GCN1: variants seen among roughly 807,000 people sequenced by gnomAD.
GCN1 encodes stalled ribosome sensor GCN1.
A neutral mutation model predicts 288.4 loss-of-function variants in GCN1; 90 were observed. The observed-to-expected ratio is 0.31, with a 90% CI of 0.26 to 0.37. The LOEUF is 0.37. GCN1 is among the 10% of genes least tolerant of loss of function. GCN1 has a pLI of 1.00. For missense variants in GCN1, 2,586 were observed against 3,419.9 expected, an observed-to-expected ratio of 0.76 and a Z score of 6.08; for synonymous variants, 1,386 against 1,420.2, an observed-to-expected ratio of 0.98 and a Z score of 0.54.
At chr12:120,132,936 C>T (rs1876877495) in intron 53 of GCN1, among the ~76,000 whole-genome samples, 1 of 152,180 alleles carries the variant, frequency 6.6e-6, no homozygotes, top group South Asian at 2.1e-4. Context: ...GCTCTGACAC[C>T]GACTCTCTCC....
chr12:120,173,971 G>T, intron 13 of GCN1, 100 bp downstream of exon 13: 1 of 1,003,584 alleles, frequency 1.0e-6, no homozygotes, highest in Non-Finnish European at 1.6e-6. Flanking sequence ...TGAGGGAGGT[G>T]TGTCTTTAGG....
In GCN1 at chr12:120,190,201, GGCAACA is replaced by G. The variant is rs1373413785; in HGVS notation, c.121+91_121+96del. The G allele has an allele frequency of 4.4e-6, 3 of 689,628 alleles. No homozygotes were observed. In the Admixed American group the frequency reaches 7.5e-5, roughly 17 times the overall value. The allele number at this position is 689,628 out of a possible 1,614,324, so 42.7% of individuals were successfully genotyped here. A position where few individuals can be genotyped will look rare whatever the true frequency, so the allele number is the denominator to read the frequency against. On this transcript the variant is annotated intron_variant, in intron 2 of 57. Coordinates refer to ENST00000300648, the MANE Select transcript of GCN1 (RefSeq NM_006836.2). ...GATCGTGCCATTGCACTTCAGCCAG[GGCAACA>G]GTGAGAGACTCTGTCTCAAAAAAAA...
rs1026771190 is a variant in GCN1, at chr12:120,144,194, G to A, written c.5495+112C>T. On this transcript the variant is annotated intron_variant, in intron 42 of 57. Coordinates refer to ENST00000300648, the MANE Select transcript of GCN1 (RefSeq NM_006836.2). The surrounding 1 kb of genome is among the most constrained non-coding windows in gnomAD (Gnocchi z 4.7). The stretch of plus-strand genomic sequence containing the variant: ...TCTCACTATGTTGCCAGGGCTCATC[G>A]TAAACTCCTGGGTTTAAGCAATCCT... The A allele has an allele frequency of 2.8e-5, 34 of 1,212,960 alleles. No homozygotes were observed. The highest frequency in any genetic ancestry group is 4.1e-5 in the Admixed American group (2 of 48,894). 75.1% of individuals were successfully genotyped at this position (1,212,960 alleles called of 1,614,324 possible). A position where few individuals can be genotyped will look rare whatever the true frequency, so the allele number is the denominator to read the frequency against.
intron 22 of GCN1, among the ~76,000 whole-genome samples, chr12:120,160,608 C>T (rs1249061845): frequency 6.6e-6 from 1 of 152,242 alleles, no homozygotes; most frequent in Non-Finnish European, 1.5e-5. Context: ...TCTCCAACCC[C>T]TTCCTACATA....
chr12:120,168,178 C>T, intron 16 of GCN1, 30 bp downstream of exon 16: 1 of 1,269,986 alleles, frequency 7.9e-7, no homozygotes, highest in East Asian at 2.3e-5. Context: ...TGCCTCAATC[C>T]CGAGTTCAAC....
chr12:120,129,193 G>A (rs1414012302), intron 57 of GCN1, 83 bp downstream of exon 57: 8 of 1,060,562 alleles, frequency 7.5e-6, no homozygotes, highest in Non-Finnish European at 1.2e-5. Context: ...AGAAGAGCCT[G>A]TGGTTTAAAT....
intron 5 of GCN1, among the ~76,000 whole-genome samples, chr12:120,182,220 T>C (rs1211862226): frequency 1.3e-5 from 2 of 151,760 alleles, no homozygotes; most frequent in Non-Finnish European, 2.9e-5. Flanking sequence ...TGCCCCTTCT[T>C]ACAAGGAGGC....
chr12:120,177,481 C>T lies in GCN1; in HGVS notation c.804G>A (p.Lys268=), dbSNP rs778579825. The T allele has an allele frequency of 4.4e-5, 71 of 1,607,010 alleles. No homozygotes were observed. Among genetic ancestry groups the T allele is most frequent in the Non-Finnish European group, 5.5e-5 (65 of 1,173,608 alleles). Reference sequence around the variant, plus strand: ...CATTCTCTGGACTCCTCAGTAAGGACTTCTGTATGGTGGGCAGTATCAGAT... The same window carrying T: ...CATTCTCTGGACTCCTCAGTAAGGATTTCTGTATGGTGGGCAGTATCAGAT... ...FKDLILPTIQ[K]SLLRSPENVI... The change falls in exon 9 of 58, where the codon AAG becomes AAA. Residue 268 remains lysine (K), a synonymous_variant. Coordinates refer to ENST00000300648, the MANE Select transcript of GCN1 (RefSeq NM_006836.2).
chr12:120,132,893 C>T (rs545026051), intron 53 of GCN1, among the ~76,000 whole-genome samples: 2 of 152,284 alleles, frequency 1.3e-5, no homozygotes, highest in East Asian at 1.9e-4. Context: ...CCTCTGAGCT[C>T]GAAGCAGAAG....
At chr12:120,138,649 C>A (rs771823978) in intron 46 of GCN1, 46 bp downstream of exon 46, 1 of 1,574,134 alleles carries the variant, frequency 6.4e-7, no homozygotes, top group Non-Finnish European at 8.7e-7. Flanking sequence ...TCTACAAAGA[C>A]GGCAAAAGCC....
At chr12:120,191,409 G>A (rs1218777639) in intron 1 of GCN1, among the ~76,000 whole-genome samples, 3 of 152,214 alleles carry the variant, frequency 2.0e-5, no homozygotes, top group Non-Finnish European at 2.9e-5. Flanking sequence ...ATCTGCTCTT[G>A]AGCAATATTC....
intron 26 of GCN1, among the ~76,000 whole-genome samples, chr12:120,157,375 G>C (rs975318181): frequency 2.0e-5 from 3 of 152,196 alleles, no homozygotes; most frequent in Non-Finnish European, 2.9e-5. Flanking sequence ...AACTCTTGGT[G>C]AGAGTATAGC....
chr12:120,190,284 T>C lies in GCN1; in HGVS notation c.121+14A>G, dbSNP rs1486273664. Reference sequence around the variant, plus strand: ...ATGAATATTGTCCAGGGTATGTGGATGAAAAATAAATACCTTTTCCAGCAA... The same window carrying C: ...ATGAATATTGTCCAGGGTATGTGGACGAAAAATAAATACCTTTTCCAGCAA... On this transcript the variant is annotated intron_variant, in intron 2 of 57. Transcript: ENST00000300648. 60 of 1,317,518 alleles carry C rather than the reference T, an allele frequency of 4.6e-5. No individual in the cohort carries two copies. Among genetic ancestry groups the C allele is most frequent in the Non-Finnish European group, 6.2e-5 (56 of 909,988 alleles). The allele number at this position is 1,317,518 out of a possible 1,614,324, so 81.6% of individuals were successfully genotyped here.
At position 120,139,639 on chromosome 12, in the gene GCN1, A is replaced by G. The variant is rs538677391; in HGVS notation, c.5995-783T>C. ...TAAGACCCCGTCTCAATAAAAAAAA[A>G]AAGCAGAGAGGATGTGATGCACCCC... On this transcript the variant is annotated intron_variant, in intron 45 of 57. Coordinates refer to ENST00000300648, the MANE Select transcript of GCN1 (RefSeq NM_006836.2). 7.9e-5 allele frequency among the ~76,000 whole-genome samples: 12 copies of G among 152,214 alleles called. No individual in the cohort carries two copies. The South Asian group carries it at 2.5e-3, about 32-fold the overall frequency.
Position 120,162,941 on chromosome 12 carries a change from A to G in GCN1, c.2069T>C (p.Leu690Pro), listed in dbSNP as rs750774415. 13 of 1,614,248 alleles carry G rather than the reference A, an allele frequency of 8.1e-6. No individual in the cohort carries two copies. The South Asian group carries it at 1.3e-4, about 16-fold the overall frequency. ...AGGATCGATCTTCATCCTGGCAAGA[A>G]GTGCTGGCCAAAGTCCAGACTGCAC... ...VAVQSGLWPALLARMKIDPEA... is the reference protein window; with the variant it reads ...VAVQSGLWPAPLARMKIDPEA... The change falls in exon 20 of 58, where the codon CTT (leucine) becomes CCT (proline). Residue 690 changes from leucine to proline, a missense_variant. This residue lies in a region of GCN1 where 913 missense variants were observed against 1,107.0 expected (regional missense o/e 0.82). Coordinates refer to ENST00000300648, the MANE Select transcript of GCN1 (RefSeq NM_006836.2).
chr12:120,152,660 A>C (rs1420373785), intron 33 of GCN1, among the ~76,000 whole-genome samples: 11 of 137,318 alleles, frequency 8.0e-5, no homozygotes, highest in African/African-American at 1.9e-4. Flanking sequence ...CACACACACA[A>C]AATATATATA....
intron 1 of GCN1, among the ~76,000 whole-genome samples, chr12:120,192,765 C>T (rs1488981988): frequency 6.6e-6 from 1 of 150,560 alleles, no homozygotes; most frequent in East Asian, 2.0e-4. Context: ...GAAGACAAGG[C>T]CGGGCATGGT....
At chr12:120,194,413 C>G (rs1879103320) in intron 1 of GCN1, among the ~76,000 whole-genome samples, 1 of 152,250 alleles carries the variant, frequency 6.6e-6, no homozygotes. Context: ...TTCTGCAACT[C>G]TGGGGTCGGG....
chr12:120,178,573 T>C, intron 7 of GCN1, 52 bp downstream of exon 7: 1 of 1,599,386 alleles, frequency 6.3e-7, no homozygotes, highest in Non-Finnish European at 8.6e-7. Context: ...TCCAGCGAGC[T>C]CCCAACATCC....
Sources: allele counts gnomAD v4.1 joint callset (sites outside exome capture counted in the v4.1 genomes callset), GRCh38; gene constraint gnomAD v4.1.1; regional missense constraint gnomAD v4.1.1; non-coding constraint Gnocchi (gnomAD v3.1); transcripts MANE v1.5; gene names NCBI Gene and HGNC (gene_info 2026-07-23, HGNC 2026-07-21).